NDST3: variants seen among roughly 807,000 people sequenced by gnomAD.
NDST3 encodes bifunctional heparan sulfate N-deacetylase/N-sulfotransferase 3.
A neutral mutation model predicts 96.1 loss-of-function variants in NDST3; 58 were observed. That is an observed-to-expected ratio of 0.60 (90% CI 0.49 to 0.75). NDST3 has a LOEUF of 0.75. Among genes scored for constraint, NDST3 ranks in the 30% least tolerant of loss-of-function variants. NDST3 has a pLI of 0.00. For missense variants in NDST3, 788 were observed against 1,034.2 expected, an observed-to-expected ratio of 0.76 and a Z score of 3.27; for synonymous variants, 333 against 359.7, an observed-to-expected ratio of 0.93 and a Z score of 0.84.
intron 12 of NDST3, among the ~76,000 whole-genome samples, chr4:118,243,521 G>A (rs2126008357): frequency 6.6e-6 from 1 of 152,312 alleles, no homozygotes; most frequent in South Asian, 2.1e-4. Flanking sequence ...TACTAACACA[G>A]ACACTGGCCT....
chr4:118,249,394 T>A (rs1022702487), intron 12 of NDST3, among the ~76,000 whole-genome samples: 2 of 152,202 alleles, frequency 1.3e-5, no homozygotes, highest in African/African-American at 4.8e-5. Context: ...CCAGAAATGT[T>A]GTATTAAAGT....
chr4:118,202,881 G>T (rs1038063403), intron 6 of NDST3, among the ~76,000 whole-genome samples: 3 of 152,070 alleles, frequency 2.0e-5, no homozygotes, highest in Non-Finnish European at 4.4e-5. Context: ...GTGCATCTTG[G>T]TTCTGTTCCA....
At chr4:118,186,348 A>G (rs1435841587) in intron 6 of NDST3, among the ~76,000 whole-genome samples, 1 of 152,198 alleles carries the variant, frequency 6.6e-6, no homozygotes, top group Non-Finnish European at 1.5e-5. Flanking sequence ...CTAATAAGAT[A>G]GATGCATATA....
chr4:118,041,041 C>G (rs1478681955), intron 1 of NDST3, among the ~76,000 whole-genome samples: 1 of 151,832 alleles, frequency 6.6e-6, no homozygotes, highest in Admixed American at 6.6e-5. Flanking sequence ...AGCCCCTGCA[C>G]CCGGCCTCTA....
intron 1 of NDST3, among the ~76,000 whole-genome samples, chr4:118,047,213 A>G: frequency 6.6e-6 from 1 of 152,262 alleles, no homozygotes; most frequent in East Asian, 1.9e-4. Context: ...AAGGCCCTAT[A>G]GAGAGGCTTG....
At chr4:118,186,387 T>C (rs547383504) in intron 6 of NDST3, among the ~76,000 whole-genome samples, 1 of 152,316 alleles carries the variant, frequency 6.6e-6, no homozygotes, top group South Asian at 2.1e-4. Context: ...GCAGTATTAA[T>C]GCACACGATC....
intron 1 of NDST3, among the ~76,000 whole-genome samples, chr4:118,045,757 G>A (rs1264793911): frequency 6.6e-6 from 1 of 152,130 alleles, no homozygotes; most frequent in Non-Finnish European, 1.5e-5. Context: ...GCAGATGTGC[G>A]ATAGACTCTA....
intron 4 of NDST3, 59 bp downstream of exon 4, chr4:118,115,019 T>C (rs1730968004): frequency 6.5e-7 from 1 of 1,549,646 alleles, no homozygotes; most frequent in Non-Finnish European, 8.8e-7. Flanking sequence ...AATGAAAAGA[T>C]TCTTACATTG....
chr4:118,047,266 A>C (rs1435783202), intron 1 of NDST3, among the ~76,000 whole-genome samples: 1 of 152,212 alleles, frequency 6.6e-6, no homozygotes, highest in Non-Finnish European at 1.5e-5. Flanking sequence ...TGAAGTACTC[A>C]AATTACGTCA....
At chr4:118,204,654 A>G (rs910162130) in intron 6 of NDST3, among the ~76,000 whole-genome samples, 5 of 144,920 alleles carry the variant, frequency 3.5e-5, no homozygotes, top group Non-Finnish European at 1.5e-5. Context: ...TGCCAAACTT[A>G]AAGTATGTAA....
intron 6 of NDST3, among the ~76,000 whole-genome samples, chr4:118,183,037 C>G (rs1736704100): frequency 6.6e-6 from 1 of 152,132 alleles, no homozygotes; most frequent in Non-Finnish European, 1.5e-5. Context: ...CAAACAATCA[C>G]CAGATTCACT....
chr4:118,141,772 C>T (rs2125903870), intron 5 of NDST3, among the ~76,000 whole-genome samples: 1 of 152,030 alleles, frequency 6.6e-6, no homozygotes, highest in African/African-American at 2.4e-5. Flanking sequence ...CCCATTACCC[C>T]AATATAGCTT....
At chr4:118,070,442 CTG>C (rs1726962134) in intron 2 of NDST3, among the ~76,000 whole-genome samples, 1 of 152,040 alleles carries the variant, frequency 6.6e-6, no homozygotes. Flanking sequence ...CCAAGACTCT[CTG>C]GTTTCCCTGA....
At chr4:118,209,202 T>C (rs1396937856) in intron 6 of NDST3, among the ~76,000 whole-genome samples, 1 of 152,218 alleles carries the variant, frequency 6.6e-6, no homozygotes, top group African/African-American at 2.4e-5. Context: ...ATGTTTTCAT[T>C]GCAAAATTAA....
chr4:118,037,233 CT>C (rs1163249995), intron 1 of NDST3, among the ~76,000 whole-genome samples: 1 of 152,108 alleles, frequency 6.6e-6, no homozygotes, highest in East Asian at 1.9e-4. Context: ...CAAAATTTAA[CT>C]TGGTGATAAG....
Position 118,138,047 on chromosome 4 carries a change from G to A in NDST3, c.1225-7G>A. 1 of 1,599,110 alleles carries A rather than the reference G, an allele frequency of 6.3e-7. No individual in the cohort carries two copies. The highest frequency in any genetic ancestry group is 8.5e-7 in the Non-Finnish European group (1 of 1,173,700). ...ACACGCTCCAATTAACATTTGCTTGGTCTTAGGAGCACGGCATTCCAACGG... is the reference window on the plus strand; with the variant it reads ...ACACGCTCCAATTAACATTTGCTTGATCTTAGGAGCACGGCATTCCAACGG... On this transcript the variant is annotated splice_region_variant and splice_polypyrimidine_tract_variant and intron_variant, in intron 4 of 13. Coordinates refer to ENST00000296499, the MANE Select transcript of NDST3 (RefSeq NM_004784.3).
rs775232287 is a variant in NDST3, at chr4:118,105,122, A to G, written c.1069+17A>G. 3 of 1,581,322 alleles carry G rather than the reference A, an allele frequency of 1.9e-6. No homozygotes were observed. The African/African-American group carries it at 4.0e-5, about 21-fold the overall frequency. ...ACCATACAGGTAAGAAAAAGGGATT[A>G]ACTGTTCTCATTAAGGCTTCTCTGA... On this transcript the variant is annotated intron_variant, in intron 3 of 13. Transcript: ENST00000296499.
At chr4:118,247,199 G>C (rs1056729721) in intron 12 of NDST3, among the ~76,000 whole-genome samples, 2 of 40,586 alleles carry the variant, frequency 4.9e-5, no homozygotes, top group Non-Finnish European at 9.3e-5. Flanking sequence ...CACACACCAG[G>C]GGGGTTTAAA....
chr4:118,138,989 C>G (rs180937769), intron 5 of NDST3, among the ~76,000 whole-genome samples: 1 of 152,182 alleles, frequency 6.6e-6, no homozygotes, highest in African/African-American at 2.4e-5. Flanking sequence ...GATGAGCCAC[C>G]GTAACACTCT....
Sources: allele counts gnomAD v4.1 joint callset (sites outside exome capture counted in the v4.1 genomes callset), GRCh38; gene constraint gnomAD v4.1.1; transcripts MANE v1.5; gene names NCBI Gene and HGNC (gene_info 2026-07-23, HGNC 2026-07-21).